Variants in TCF12 observed in about 807,000 individuals in gnomAD.
TCF12 encodes the protein transcription factor 12, also known as DNA-binding protein HTF4.
A neutral mutation model predicts 86.0 loss-of-function variants in TCF12; 45 were observed. The ratio of observed to expected loss-of-function variants is 0.52; its 90% CI spans 0.41 to 0.67. The LOEUF is 0.67. TCF12 is among the 30% of genes least tolerant of loss of function. The pLI is 0.00. For missense variants in TCF12, 881 were observed against 859.9 expected, an observed-to-expected ratio of 1.02 and a Z score of -0.31; for synonymous variants, 330 against 299.6, an observed-to-expected ratio of 1.10 and a Z score of -1.05.
At chr15:57,231,695 T>C (rs2059147451) in intron 9 of TCF12, among the ~76,000 whole-genome samples, 1 of 152,180 alleles carries the variant, frequency 6.6e-6, no homozygotes, top group Non-Finnish European at 1.5e-5. Flanking sequence ...AATTCATGTC[T>C]AGCAAATCAT....
At chr15:57,153,333 T>A (rs960838121) in intron 5 of TCF12, among the ~76,000 whole-genome samples, 1 of 152,162 alleles carries the variant, frequency 6.6e-6, no homozygotes, top group Admixed American at 6.5e-5. Context: ...ACTCTGCCAT[T>A]GTAGCACAAA....
At chr15:57,115,262 T>C (rs529169594) in intron 5 of TCF12, among the ~76,000 whole-genome samples, 2 of 152,352 alleles carry the variant, frequency 1.3e-5, no homozygotes, top group South Asian at 4.1e-4. Flanking sequence ...ACTTCATTCA[T>C]TTATTTATGG....
At chr15:57,037,914 C>G (rs1213198097) in intron 3 of TCF12, among the ~76,000 whole-genome samples, 1 of 152,100 alleles carries the variant, frequency 6.6e-6, no homozygotes, top group Admixed American at 6.5e-5. Flanking sequence ...GATATTATCA[C>G]GTTCAGCACT....
At chr15:57,066,522 C>G (rs2068887352) in intron 4 of TCF12, among the ~76,000 whole-genome samples, 1 of 151,904 alleles carries the variant, frequency 6.6e-6, no homozygotes, top group South Asian at 2.1e-4. Context: ...TCAGCAGATT[C>G]CATTATTTAA....
At chr15:56,991,163 TGTCATGTAATGA>T (rs2063442000) in intron 3 of TCF12, among the ~76,000 whole-genome samples, 1 of 152,182 alleles carries the variant, frequency 6.6e-6, no homozygotes, top group Admixed American at 6.5e-5. Context: ...TACGTAAATG[TGTCATGTAATGA>T]AAGATGATAT....
At chr15:57,233,251 C>G (rs1267225212) in intron 11 of TCF12, among the ~76,000 whole-genome samples, 3 of 151,950 alleles carry the variant, frequency 2.0e-5, no homozygotes, top group African/African-American at 7.2e-5. Flanking sequence ...TGGCTCACTG[C>G]AGCCTCAACC....
chr15:56,996,867 A>T (rs530483525), intron 3 of TCF12, among the ~76,000 whole-genome samples: 2 of 152,350 alleles, frequency 1.3e-5, no homozygotes, highest in Admixed American at 6.5e-5. Context: ...CAAACATATT[A>T]AAAAATGCTC....
chr15:57,221,841 A>G (rs1383010942), intron 8 of TCF12, among the ~76,000 whole-genome samples: 5 of 152,142 alleles, frequency 3.3e-5, no homozygotes, highest in Admixed American at 1.3e-4. Flanking sequence ...GTTTTCTTCA[A>G]TAAGAAAATC....
chr15:57,076,681 C>A (rs1477144656), intron 4 of TCF12, among the ~76,000 whole-genome samples: 1 of 151,388 alleles, frequency 6.6e-6, no homozygotes, highest in African/African-American at 2.4e-5. Flanking sequence ...TAAACTTTTT[C>A]CCACATTTTT....
chr15:57,060,000 A>G (rs1282497649), intron 3 of TCF12, among the ~76,000 whole-genome samples: 1 of 152,176 alleles, frequency 6.6e-6, no homozygotes, highest in South Asian at 2.1e-4. Flanking sequence ...AAGGTAGTCT[A>G]AATCTGTGTT....
chr15:57,084,320 A>G (rs1000042461), intron 4 of TCF12, among the ~76,000 whole-genome samples: 110 of 152,300 alleles, frequency 7.2e-4, no homozygotes, highest in African/African-American at 2.6e-3. Flanking sequence ...TGATAGGCAG[A>G]TTTATGAACA....
chr15:57,208,277 C>T (rs1467855620), intron 8 of TCF12, among the ~76,000 whole-genome samples: 1 of 151,934 alleles, frequency 6.6e-6, no homozygotes, highest in East Asian at 1.9e-4. Context: ...CGTGATCCAC[C>T]CGCCTCAGCC....
intron 5 of TCF12, among the ~76,000 whole-genome samples, chr15:57,119,047 G>A (rs1318169744): frequency 6.6e-6 from 1 of 151,948 alleles, no homozygotes; most frequent in African/African-American, 2.4e-5. Flanking sequence ...TCATGAATTT[G>A]CAGTTAATGA....
intron 3 of TCF12, among the ~76,000 whole-genome samples, chr15:57,015,406 G>T (rs2065095929): frequency 6.6e-6 from 1 of 152,192 alleles, no homozygotes; most frequent in South Asian, 2.1e-4. Flanking sequence ...ACCAATGATG[G>T]CCCCAGCACT....
At chr15:57,277,418 C>G (rs2061448816) in intron 19 of TCF12, among the ~76,000 whole-genome samples, 1 of 151,866 alleles carries the variant, frequency 6.6e-6, no homozygotes, top group Non-Finnish European at 1.5e-5. Flanking sequence ...ATCATGAGGT[C>G]AAGAGATCGA....
chr15:57,253,077 G>A (rs1345238870), intron 15 of TCF12, among the ~76,000 whole-genome samples, 185 bp from the exon 16 acceptor site: 1 of 151,962 alleles, frequency 6.6e-6, no homozygotes, highest in Non-Finnish European at 1.5e-5. Flanking sequence ...TGAAAATTTA[G>A]CATAATCTAC....
intron 8 of TCF12, among the ~76,000 whole-genome samples, chr15:57,208,190 A>G (rs2057929305): frequency 6.6e-6 from 1 of 151,018 alleles, no homozygotes; most frequent in Non-Finnish European, 1.5e-5. Context: ...CTGCCACCAC[A>G]CCCAGCTAAT....
At chr15:56,953,732 C>G (rs1595833808) in intron 3 of TCF12, among the ~76,000 whole-genome samples, 1 of 151,500 alleles carries the variant, frequency 6.6e-6, no homozygotes, top group Non-Finnish European at 1.5e-5. Context: ...ACTTATTATC[C>G]TTTTTAGTAT....
chr15:57,221,427 C>T (rs1404839844), intron 8 of TCF12, among the ~76,000 whole-genome samples: 1 of 131,472 alleles, frequency 7.6e-6, no homozygotes, highest in Non-Finnish European at 1.7e-5. Flanking sequence ...TGTATAAGTT[C>T]AGTAAAATTA....
Sources: allele counts gnomAD v4.1 joint callset (sites outside exome capture counted in the v4.1 genomes callset), GRCh38; gene constraint gnomAD v4.1.1; transcripts MANE v1.5; gene names NCBI Gene and HGNC (gene_info 2026-07-23, HGNC 2026-07-21).